Variants in FHIT observed in about 807,000 individuals in gnomAD.
FHIT encodes bis(5'-adenosyl)-triphosphatase.
A neutral mutation model predicts 17.9 loss-of-function variants in FHIT; 19 were observed. That is an observed-to-expected ratio of 1.06 (90% CI 0.74 to 1.56). The LOEUF is 1.56. Ranked by LOEUF, FHIT falls within the 40% of genes most tolerant of loss-of-function variation. The pLI, the probability that FHIT is intolerant of heterozygous loss-of-function variation, is 0.00. For synonymous variants in FHIT, 81 were observed against 69.7 expected (o/e 1.16, Z -0.81); for missense variants, 248 against 189.2 (o/e 1.31, Z -1.82).
chr3:60,955,629 T>TACAC (rs1265627849), intron 3 of FHIT, among the ~76,000 whole-genome samples: 2 of 38,258 alleles, frequency 5.2e-5, no homozygotes, highest in African/African-American at 1.8e-4. Flanking sequence ...TATATATATA[T>TACAC]ATATACACAC....
At chr3:60,065,983 T>C (rs76702288) in intron 5 of FHIT, among the ~76,000 whole-genome samples, 5,372 of 152,276 alleles carry the variant, frequency 0.035, 324 homozygotes, top group African/African-American at 0.12. Context: ...AGACACTGCC[T>C]ACCTCCAGGA....
At chr3:59,803,343 C>A (rs775776752) in intron 8 of FHIT, among the ~76,000 whole-genome samples, 1 of 152,242 alleles carries the variant, frequency 6.6e-6, no homozygotes, top group East Asian at 1.9e-4. Flanking sequence ...ACGGGGCCAG[C>A]GAAGGATTCT....
At chr3:60,955,619 T>TAC (rs1709104986) in intron 3 of FHIT, among the ~76,000 whole-genome samples, 12 of 13,726 alleles carry the variant, frequency 8.7e-4, no homozygotes, top group Admixed American at 1.8e-3. Flanking sequence ...TATATATATA[T>TAC]ATATATATAT....
chr3:60,377,399 C>G (rs1312204157), intron 5 of FHIT, among the ~76,000 whole-genome samples: 1 of 150,020 alleles, frequency 6.7e-6, no homozygotes, highest in East Asian at 2.0e-4. Flanking sequence ...CCTTGTGATC[C>G]TCCCGCCTCA....
intron 8 of FHIT, among the ~76,000 whole-genome samples, chr3:59,846,522 A>G (rs1282159964): frequency 2.0e-5 from 3 of 152,186 alleles, no homozygotes; most frequent in Non-Finnish European, 4.4e-5. Flanking sequence ...GTTATAAACC[A>G]AAGTTATAAT....
intron 8 of FHIT, among the ~76,000 whole-genome samples, chr3:59,835,576 A>T (rs1378477131): frequency 6.6e-6 from 1 of 152,152 alleles, no homozygotes; most frequent in East Asian, 1.9e-4. Flanking sequence ...TTCACACATG[A>T]AAGACTGGGT....
intron 5 of FHIT, among the ~76,000 whole-genome samples, chr3:60,285,830 C>T (rs1707699625): frequency 6.6e-6 from 1 of 152,142 alleles, no homozygotes. Flanking sequence ...TAATGTAATA[C>T]ATTCATATTA....
chr3:60,690,274 T>G, intron 4 of FHIT: 2 of 550,498 alleles, frequency 3.6e-6, no homozygotes, highest in Non-Finnish European at 7.1e-6. Context: ...AGTCTTGCCA[T>G]TCCTGAACAC....
chr3:60,595,600 C>T (rs1396996136), intron 4 of FHIT, among the ~76,000 whole-genome samples: 5 of 145,932 alleles, frequency 3.4e-5, no homozygotes, highest in Admixed American at 1.4e-4. Context: ...TGTGTATATA[C>T]GTGTAGATAT....
At chr3:60,193,194 G>A (rs1460205945) in intron 5 of FHIT, among the ~76,000 whole-genome samples, 3 of 152,272 alleles carry the variant, frequency 2.0e-5, no homozygotes, top group South Asian at 2.1e-4. Flanking sequence ...TACTGTAATC[G>A]TGCCCAAGCC....
chr3:60,751,060 G>A (rs913361717), intron 4 of FHIT, among the ~76,000 whole-genome samples: 1 of 152,152 alleles, frequency 6.6e-6, no homozygotes, highest in African/African-American at 2.4e-5. Flanking sequence ...TGTCTCACTG[G>A]TCCAGTGTTG....
At chr3:60,818,589 C>A (rs933534804) in intron 4 of FHIT, among the ~76,000 whole-genome samples, 1 of 152,152 alleles carries the variant, frequency 6.6e-6, no homozygotes, top group Admixed American at 6.5e-5. Flanking sequence ...ATTCCTACTT[C>A]TTCTTAATAT....
chr3:60,562,526 T>G (rs189766851), intron 4 of FHIT, among the ~76,000 whole-genome samples: 69 of 152,248 alleles, frequency 4.5e-4, no homozygotes, highest in African/African-American at 1.6e-3. Flanking sequence ...CTCCTAGGTT[T>G]TAAGAGGAGT....
intron 5 of FHIT, among the ~76,000 whole-genome samples, chr3:60,529,003 C>T (rs2594264): frequency 0.87 from 131,620 of 152,160 alleles, 57,056 homozygotes; most frequent in East Asian, 1. Flanking sequence ...CAGGCAGATA[C>T]AAGCTAAACC....
At chr3:60,092,620 G>A (rs1287664603) in intron 5 of FHIT, among the ~76,000 whole-genome samples, 4 of 152,112 alleles carry the variant, frequency 2.6e-5, no homozygotes, top group Non-Finnish European at 5.9e-5. Flanking sequence ...CAAGTCACTA[G>A]GAGGCCAGCA....
intron 5 of FHIT, among the ~76,000 whole-genome samples, chr3:60,161,777 G>A (rs1466955100): frequency 6.6e-6 from 1 of 151,988 alleles, no homozygotes; most frequent in African/African-American, 2.4e-5. Context: ...AGGGCTGAAA[G>A]TCACAATCAG....
intron 5 of FHIT, among the ~76,000 whole-genome samples, chr3:60,415,435 G>C (rs1702211052): frequency 6.6e-6 from 1 of 152,106 alleles, no homozygotes. Flanking sequence ...CCTTTGTGAA[G>C]CTACGACAAT....
chr3:60,035,315 C>A (rs1701169352), intron 5 of FHIT, among the ~76,000 whole-genome samples: 1 of 152,252 alleles, frequency 6.6e-6, no homozygotes, highest in South Asian at 2.1e-4. Context: ...CTGCTCACTG[C>A]AACCCCTGCC....
intron 5 of FHIT, among the ~76,000 whole-genome samples, chr3:60,451,250 T>A (rs411076): frequency 0.43 from 65,189 of 151,854 alleles, 16,822 homozygotes; most frequent in African/African-American, 0.72. Context: ...ACCCTTTTGC[T>A]TTTTGGGAAA....
Sources: allele counts gnomAD v4.1 joint callset (sites outside exome capture counted in the v4.1 genomes callset), GRCh38; gene constraint gnomAD v4.1.1; transcripts MANE v1.5; gene names NCBI Gene and HGNC (gene_info 2026-07-23, HGNC 2026-07-21).